The following TULP4 variants were observed in gnomAD, a reference collection of about 807,000 sequenced individuals.
The protein encoded by TULP4 is tubby-related protein 4.
TULP4 carries 16 observed loss-of-function variants against 129.0 expected under a neutral mutation model. That is an observed-to-expected ratio of 0.12 (90% CI 0.08 to 0.19). The LOEUF (loss-of-function observed/expected upper bound fraction) is 0.19, where lower values mean the gene tolerates loss of function less well. TULP4 is among the 10% of genes least tolerant of loss of function. The probability of loss-of-function intolerance (pLI) is 1.00; values close to 1 mark genes in which losing one functional copy is unlikely to be tolerated. For missense variants in TULP4, 1,842 were observed against 2,059.1 expected (o/e 0.89, Z 2.04); for synonymous variants, 998 against 854.0 (o/e 1.17, Z -2.94).
At chr6:158,433,040 T>C (rs1387595528) in intron 3 of TULP4, among the ~76,000 whole-genome samples, 1 of 152,258 alleles carries the variant, frequency 6.6e-6, no homozygotes, top group Non-Finnish European at 1.5e-5. Flanking sequence ...GTTACAGGAA[T>C]GTATTTCATA....
At chr6:158,305,068 A>G (rs945853452) in intron 1 of TULP4, among the ~76,000 whole-genome samples, 1 of 152,078 alleles carries the variant, frequency 6.6e-6, no homozygotes, top group East Asian at 1.9e-4. Context: ...TTACAAAACT[A>G]AAACTCTATA....
chr6:158,461,656 T>G lies in TULP4; in HGVS notation c.953T>G (p.Leu318Arg). The change falls in exon 6 of 14, where the codon CTT (leucine) becomes CGT (arginine). Residue 318 changes from leucine to arginine, a missense_variant. By Grantham distance (102) the Leu-to-Arg change is moderately radical (BLOSUM62 -2). This residue lies in a region of TULP4 where 456 missense variants were observed against 534.3 expected (regional missense o/e 0.85). Coordinates refer to ENST00000367097, the MANE Select transcript of TULP4 (RefSeq NM_020245.5). Reference sequence around the variant, plus strand: ...CTTGGTGAGCTTCCCAATGGTCCCCTTCTGAAGAGTGCCATGGTCAAGTTC... The same window carrying G: ...CTTGGTGAGCTTCCCAATGGTCCCCGTCTGAAGAGTGCCATGGTCAAGTTC... ...TQLGELPNGP[L>R]LKSAMVKFYN... The G allele has an allele frequency of 6.2e-7, 1 of 1,614,092 alleles. No homozygotes were observed. The highest frequency in any genetic ancestry group is 1.1e-5 in the South Asian group (1 of 91,070).
At chr6:158,257,117 T>C (rs1234265867) in intron 1 of TULP4, among the ~76,000 whole-genome samples, 2 of 152,114 alleles carry the variant, frequency 1.3e-5, no homozygotes, top group Non-Finnish European at 2.9e-5. Context: ...GTTAGTAGGT[T>C]GGAGAAAATG....
intron 1 of TULP4, among the ~76,000 whole-genome samples, chr6:158,254,490 C>T (rs1320069494): frequency 2.0e-5 from 3 of 152,192 alleles, no homozygotes; most frequent in East Asian, 3.9e-4. Flanking sequence ...ATTACACATA[C>T]TTCAGTTTGG....
Position 158,467,528 on chromosome 6 carries a change from G to A in TULP4, c.1026+5799G>A, listed in dbSNP as rs562768111. On this transcript the variant is annotated intron_variant, in intron 6 of 13. Transcript: ENST00000367097. ...GAACTCCTGACCTCGTGATCCACCC[G>A]CCTCAGCCTCCCAAAGTGCTGGGAT... Among the ~76,000 whole-genome samples, 6 of 152,122 alleles carry A rather than the reference G, an allele frequency of 3.9e-5. No individual in the cohort carries two copies. The East Asian group carries it at 1.2e-3, about 29-fold the overall frequency.
intron 1 of TULP4, among the ~76,000 whole-genome samples, chr6:158,276,879 T>C (rs1383686055): frequency 6.6e-6 from 1 of 151,868 alleles, no homozygotes; most frequent in African/African-American, 2.4e-5. Flanking sequence ...AGAACCCACA[T>C]GTTTGTTTGT....
rs1339595307 is a variant in TULP4, at chr6:158,313,456, C to A, written c.-561C>A. ...TTTAGCAGCAGAAATTTGTCTAGTT[C>A]AGGAAACATGCTAGAGGGTGGCTTC... On this transcript the variant is annotated 5_prime_UTR_variant, in exon 1 of 14. Transcript: ENST00000367097. 4 of 399,208 alleles carry A rather than the reference C, an allele frequency of 1.0e-5. No homozygotes were observed. The highest frequency in any genetic ancestry group is 1.8e-5 in the Non-Finnish European group (4 of 226,688). 24.7% of individuals were successfully genotyped at this position (399,208 alleles called of 1,614,324 possible). A position where few individuals can be genotyped will look rare whatever the true frequency, so the allele number is the denominator to read the frequency against.
intron 1 of TULP4, among the ~76,000 whole-genome samples, chr6:158,240,010 C>T (rs1777835931): frequency 8.2e-6 from 1 of 122,614 alleles, no homozygotes; most frequent in Non-Finnish European, 1.9e-5. Flanking sequence ...CCCCACCTCC[C>T]TCCCGGACGG....
chr6:158,460,485 A>G (rs1779398819), intron 5 of TULP4, among the ~76,000 whole-genome samples: 1 of 152,194 alleles, frequency 6.6e-6, no homozygotes, highest in East Asian at 1.9e-4. Context: ...TCTTATTAAT[A>G]CTAATGGCTT....
chr6:158,367,415 C>T (rs1776944976), intron 1 of TULP4, among the ~76,000 whole-genome samples: 1 of 152,126 alleles, frequency 6.6e-6, no homozygotes, highest in South Asian at 2.1e-4. Flanking sequence ...TTGTGTTTTA[C>T]GAATGATGTT....
intron 2 of TULP4, among the ~76,000 whole-genome samples, chr6:158,426,183 C>G (rs889440830): frequency 0.012 from 1,753 of 152,224 alleles, 37 homozygotes; most frequent in African/African-American, 0.039. Flanking sequence ...TGTCTATTTA[C>G]TTTATTGATA....
chr6:158,245,116 TA>T, intron 1 of TULP4, among the ~76,000 whole-genome samples: 1 of 151,802 alleles, frequency 6.6e-6, no homozygotes, highest in East Asian at 1.9e-4. Context: ...GCCTTCTGAG[TA>T]GCTGGGACTA....
intron 1 of TULP4, among the ~76,000 whole-genome samples, chr6:158,296,136 T>A (rs948231711): frequency 5.9e-5 from 9 of 152,254 alleles, no homozygotes; most frequent in African/African-American, 1.9e-4. Flanking sequence ...TTCCCCTTCC[T>A]TTTTTCTCTT....
chr6:158,442,182 CCAGCTGCCACTGGTAG>C, intron 3 of TULP4, among the ~76,000 whole-genome samples: 1 of 152,308 alleles, frequency 6.6e-6, no homozygotes, highest in African/African-American at 2.4e-5. Flanking sequence ...CCACTATTCC[CCAGCTGCCACTGGTAG>C]CACAGATCAG....
At chr6:158,411,589 G>A (rs369199930) in intron 1 of TULP4, among the ~76,000 whole-genome samples, 1 of 152,282 alleles carries the variant, frequency 6.6e-6, no homozygotes. Context: ...CACTTTAAGT[G>A]GGTAATAATT....
At chr6:158,379,381 C>G (rs982393748) in intron 1 of TULP4, among the ~76,000 whole-genome samples, 2 of 152,142 alleles carry the variant, frequency 1.3e-5, no homozygotes, top group African/African-American at 4.8e-5. Flanking sequence ...GCACTAAACG[C>G]TAGAGTGCTC....
chr6:158,451,212 C>T (rs1484274189), intron 4 of TULP4, among the ~76,000 whole-genome samples: 1 of 151,970 alleles, frequency 6.6e-6, no homozygotes, highest in African/African-American at 2.4e-5. Flanking sequence ...TTCTCAGAAG[C>T]AGGGGGGGCA....
At chr6:158,368,066 C>CAAAAAAAAAAAAAAAAAAAAAAAAAAAA (rs3085241) in intron 1 of TULP4, among the ~76,000 whole-genome samples, 1 of 65,008 alleles carries the variant, frequency 1.5e-5, no homozygotes, top group African/African-American at 5.8e-5. Context: ...ACCCTGTCTC[C>CAAAAAAAAAAAAAAAAAAAAAAAAAAAA]AAAAAAAAAA....
chr6:158,426,184 T>A (rs1008155144), intron 2 of TULP4, among the ~76,000 whole-genome samples: 4 of 152,220 alleles, frequency 2.6e-5, no homozygotes, highest in African/African-American at 9.6e-5. Flanking sequence ...GTCTATTTAC[T>A]TTATTGATAG....
Sources: allele counts gnomAD v4.1 joint callset (sites outside exome capture counted in the v4.1 genomes callset), GRCh38; gene constraint gnomAD v4.1.1; regional missense constraint gnomAD v4.1.1; transcripts MANE v1.5; gene names NCBI Gene and HGNC (gene_info 2026-07-23, HGNC 2026-07-21).